HECTD4: variants seen among roughly 807,000 people sequenced by gnomAD.
HECTD4 encodes probable E3 ubiquitin-protein ligase HECTD4.
In HECTD4, 114 loss-of-function variants were observed where a neutral mutation model predicts 471.5. That is an observed-to-expected ratio of 0.24 (90% CI 0.21 to 0.28). The LOEUF is 0.28. Among genes scored for constraint, HECTD4 ranks in the 10% least tolerant of loss-of-function variants. The pLI is 1.00. For missense variants in HECTD4, 3,866 were observed against 5,651.5 expected (o/e 0.68, Z 10.13); for synonymous variants, 2,012 against 2,256.0 (o/e 0.89, Z 3.07).
At chr12:112,372,420 C>T (rs556952919) in intron 1 of HECTD4, among the ~76,000 whole-genome samples, 9 of 152,006 alleles carry the variant, frequency 5.9e-5, no homozygotes, top group Non-Finnish European at 1.0e-4. Flanking sequence ...CCACCATGCC[C>T]GGCTAATTTT....
At chr12:112,317,507 AG>A (rs2035502768) in intron 2 of HECTD4, among the ~76,000 whole-genome samples, 1 of 152,220 alleles carries the variant, frequency 6.6e-6, no homozygotes, top group Non-Finnish European at 1.5e-5. Context: ...ATCCCAACCA[AG>A]GAAAAAATTC....
rs1193597049 is a variant in HECTD4 at position 112,381,621 on chromosome 12, A to G, written c.177+331T>C. Reference sequence around the variant, plus strand: ...TGGGGGCCCGTGGGGGAGGGGAGGGAGGGCCCGGGTGGTGGCGGTGGCTCC... The same window carrying G: ...TGGGGGCCCGTGGGGGAGGGGAGGGGGGGCCCGGGTGGTGGCGGTGGCTCC... On this transcript the variant is annotated intron_variant, in intron 1 of 75. Coordinates refer to ENST00000682272, the MANE Select transcript of HECTD4 (RefSeq NM_001388303.1). This position sits in a 1 kb window ranked among gnomAD's most constrained non-coding sequence, Gnocchi z 4.1. Among the ~76,000 whole-genome samples the G allele has an allele frequency of 6.8e-6, 1 of 148,148 alleles. No individual in the cohort carries two copies. Among genetic ancestry groups the G allele is most frequent in the African/African-American group, 2.5e-5 (1 of 40,556 alleles).
At chr12:112,256,049 T>C (rs1566089191) in intron 21 of HECTD4, among the ~76,000 whole-genome samples, 1 of 152,148 alleles carries the variant, frequency 6.6e-6, no homozygotes, top group Non-Finnish European at 1.5e-5. Flanking sequence ...AACATTTCCT[T>C]CCTCTCATAT....
rs1593879294 is a variant in HECTD4 at position 112,160,706 on chromosome 12, G to A, written c.*1681C>T. The stretch of plus-strand genomic sequence containing the variant: ...AAAACCACTTCTAATAAATCGAAAG[G>A]CTCTTTCATTATGCAGAAATGAAAA... On this transcript the variant is annotated 3_prime_UTR_variant, in exon 76 of 76. Transcript: ENST00000682272. The A allele has an allele frequency of 6.6e-6, 1 of 152,116 alleles. No individual in the cohort carries two copies. Among genetic ancestry groups the A allele is most frequent in the Non-Finnish European group, 1.5e-5 (1 of 68,012 alleles). 9.4% of individuals were successfully genotyped at this position (152,116 alleles called of 1,614,324 possible).
chr12:112,316,597 G>A (rs1701202222), intron 2 of HECTD4, among the ~76,000 whole-genome samples: 1 of 152,004 alleles, frequency 6.6e-6, no homozygotes, highest in East Asian at 1.9e-4. Flanking sequence ...AGCTCTGTGA[G>A]GTAAGAAACC....
intron 54 of HECTD4, among the ~76,000 whole-genome samples, chr12:112,202,503 G>A (rs1435744495): frequency 1.3e-5 from 2 of 152,026 alleles, no homozygotes; most frequent in African/African-American, 4.8e-5. Context: ...ACCACATCTG[G>A]CCTAAAGATG....
At chr12:112,342,849 C>T (rs2036077030) in intron 1 of HECTD4, among the ~76,000 whole-genome samples, 1 of 152,110 alleles carries the variant, frequency 6.6e-6, no homozygotes, top group African/African-American at 2.4e-5. Context: ...TGCTTTTTCA[C>T]CAAAGAAATC....
At chr12:112,168,513 C>T (rs1180535551) in intron 70 of HECTD4, among the ~76,000 whole-genome samples, 3 of 152,222 alleles carry the variant, frequency 2.0e-5, no homozygotes, top group Non-Finnish European at 4.4e-5. Context: ...TGTTCCCTAT[C>T]GGTACCCTGA....
chr12:112,184,592 C>T lies in HECTD4; in HGVS notation c.10374G>A (p.Glu3458=), dbSNP rs1195902671. The change falls in exon 61 of 76, where the codon GAG becomes GAA. Residue 3458 remains glutamate (E), a synonymous_variant. Coordinates refer to ENST00000682272, the MANE Select transcript of HECTD4 (RefSeq NM_001388303.1). The surrounding 1 kb of genome is among the most constrained non-coding windows in gnomAD (Gnocchi z 9.1). ...AEGGDGKVEP[E]KTLAFPGTDS... ...CTGTGCCGGGGAAGGCCAGTGTCTT[C>T]TCGGGCTCAACTTTCCCGTCCCCGC... 2 of 1,613,856 alleles carry T rather than the reference C, an allele frequency of 1.2e-6. No individual in the cohort carries two copies. Among genetic ancestry groups the T allele is most frequent in the Non-Finnish European group, 1.7e-6 (2 of 1,179,876 alleles).
intron 29 of HECTD4, 129 bp downstream of exon 29, chr12:112,246,772 C>T: frequency 1.4e-6 from 1 of 713,944 alleles, no homozygotes; most frequent in Non-Finnish European, 2.1e-6. Context: ...GTTAAAATTT[C>T]CTTTTGTTTT....
chr12:112,243,475 C>T lies in HECTD4; in HGVS notation c.4836G>A (p.Arg1612=). The T allele has an allele frequency of 4.4e-6, 7 of 1,607,498 alleles. No homozygotes were observed. Among genetic ancestry groups the T allele is most frequent in the Non-Finnish European group, 5.9e-6 (7 of 1,176,982 alleles). Reference sequence around the variant, plus strand: ...GTGCCTGCTTGCGAGTGTTTCCCCGCCGCCACCTTGTCTGTGCAGCCAAAA... The same window carrying T: ...GTGCCTGCTTGCGAGTGTTTCCCCGTCGCCACCTTGTCTGTGCAGCCAAAA... The part of the protein sequence containing the change: ...SFLLAAQTRW[R]RGNTRKQALV... The change falls in exon 32 of 76, where the codon CGG becomes CGA. Residue 1612 remains arginine (R), a synonymous_variant. Coordinates refer to ENST00000682272, the MANE Select transcript of HECTD4 (RefSeq NM_001388303.1). This position sits in a 1 kb window ranked among gnomAD's most constrained non-coding sequence, Gnocchi z 6.6.
chr12:112,209,557 C>T (rs1373744780), intron 50 of HECTD4, among the ~76,000 whole-genome samples: 1 of 152,168 alleles, frequency 6.6e-6, no homozygotes, highest in Non-Finnish European at 1.5e-5. Context: ...AACTCCCAAC[C>T]TTAGGTGATC....
rs184476616 is a variant in HECTD4, at chr12:112,351,750, T to C, written c.177+30202A>G. Among the ~76,000 whole-genome samples the C allele has an allele frequency of 7.4e-3, 1,125 of 152,344 alleles. 13 individuals are homozygous for C. The highest frequency in any genetic ancestry group is 0.026 in the African/African-American group (1,086 of 41,578). On this transcript the variant is annotated intron_variant, in intron 1 of 75. Coordinates refer to ENST00000682272, the MANE Select transcript of HECTD4 (RefSeq NM_001388303.1). Reference sequence around the variant, plus strand: ...TTTACTTTTTTTATGCTACACTGACTGACATAAAGATTTTACTACCAAGGA... The same window carrying C: ...TTTACTTTTTTTATGCTACACTGACCGACATAAAGATTTTACTACCAAGGA...
At chr12:112,371,763 G>A (rs2135762507) in intron 1 of HECTD4, among the ~76,000 whole-genome samples, 1 of 151,724 alleles carries the variant, frequency 6.6e-6, no homozygotes, top group East Asian at 1.9e-4. Flanking sequence ...GCGGGCGCCT[G>A]TAATCCCAGC....
Position 112,264,137 on chromosome 12 carries a change from C to G in HECTD4, c.2695G>C (p.Asp899His), listed in dbSNP as rs1353904141. The G allele has an allele frequency of 1.2e-6, 2 of 1,608,404 alleles. No individual in the cohort carries two copies. The highest frequency in any genetic ancestry group is 2.2e-5 in the South Asian group (2 of 89,482). Residue 899 changes from aspartate (D) to histidine (H), a missense_variant, in exon 17 of 76, where the codon GAT becomes CAT. Transcript: ENST00000682272. ...LLSNTILIKP[D>H]ENDDSDSSLQ... ...GAGCTGTCACTGTCATCATTCTCAT[C>G]AGGTTTAATCAAAATAGTGTTACTG...
In HECTD4 at chr12:112,185,979, A is replaced by C. The variant is rs146541684; in HGVS notation, c.9473-486T>G. ...AAGAAAGCCTTACTTTGAGGGTGGC[A>C]TTATTTATTTTATTTTTCTTTTTTG... On this transcript the variant is annotated intron_variant, in intron 60 of 75. Coordinates refer to ENST00000682272, the MANE Select transcript of HECTD4 (RefSeq NM_001388303.1). Among the ~76,000 whole-genome samples the C allele has an allele frequency of 4.8e-3, 727 of 152,228 alleles. 10 individuals are homozygous for C. Among genetic ancestry groups the C allele is most frequent in the African/African-American group, 0.017 (691 of 41,546 alleles).
chr12:112,162,254 G>A lies in HECTD4; in HGVS notation c.*133C>T, dbSNP rs1018597709. The A allele has an allele frequency of 1.0e-4, 100 of 979,946 alleles. No individual in the cohort carries two copies. The highest frequency in any genetic ancestry group is 1.5e-4 in the Admixed American group (7 of 45,876). 60.7% of individuals were successfully genotyped at this position (979,946 alleles called of 1,614,324 possible). On this transcript the variant is annotated 3_prime_UTR_variant, in exon 76 of 76. Coordinates refer to ENST00000682272, the MANE Select transcript of HECTD4 (RefSeq NM_001388303.1). This position sits in a 1 kb window ranked among gnomAD's most constrained non-coding sequence, Gnocchi z 5.2. ...AGTCTTCCAGGAGGCCCTGGAATGT[G>A]GACGAAAGTTTGGAAAAGCAAAATG...
rs547306967 is a variant in HECTD4 at position 112,373,704 on chromosome 12, G to T, written c.177+8248C>A. ...TAGTGACAATGATGACTAAGAAGAT[G>T]CACCAGAAGATAACTAGGGGCTGAG... is the stretch of plus-strand genomic sequence containing the variant. On this transcript the variant is annotated intron_variant, in intron 1 of 75. Coordinates refer to ENST00000682272, the MANE Select transcript of HECTD4 (RefSeq NM_001388303.1). Among the ~76,000 whole-genome samples the T allele has an allele frequency of 6.6e-5, 10 of 152,184 alleles. No homozygotes were observed. The East Asian group carries it at 1.7e-3, about 27-fold the overall frequency.
chr12:112,361,653 C>T (rs537311240), intron 1 of HECTD4, among the ~76,000 whole-genome samples: 28 of 152,142 alleles, frequency 1.8e-4, no homozygotes, highest in Middle Eastern at 3.4e-3. Flanking sequence ...TAACAGCTGG[C>T]GAGATGTGTC....
Sources: gnomAD v4.1 joint callset for allele counts (sites outside exome capture counted in the v4.1 genomes callset) on GRCh38, gnomAD v4.1.1 for gene constraint, Gnocchi (gnomAD v3.1) non-coding constraint, MANE v1.5 for transcripts, NCBI Gene and HGNC (gene_info 2026-07-23, HGNC 2026-07-21) for gene names.